Variants in TJP2 observed in about 807,000 individuals in gnomAD.
TJP2 encodes Friedreich ataxia region gene X104 (tight junction protein ZO-2).
TJP2 carries 91 observed loss-of-function variants against 133.1 expected under a neutral mutation model. The observed-to-expected ratio is 0.68, with a 90% CI of 0.58 to 0.81. The LOEUF (loss-of-function observed/expected upper bound fraction) is 0.81. TJP2 is among the 40% of genes least tolerant of loss of function. The pLI, the probability that TJP2 is intolerant of heterozygous loss-of-function variation, is 0.00. For synonymous variants in TJP2, 592 were observed against 583.4 expected, an observed-to-expected ratio of 1.01 and a Z score of -0.21; for missense variants, 1,541 against 1,565.6, an observed-to-expected ratio of 0.98 and a Z score of 0.26.
intron 1 of TJP2, among the ~76,000 whole-genome samples, chr9:69,142,929 CTAAA>C (rs1823071291): frequency 6.6e-6 from 1 of 152,112 alleles, no homozygotes; most frequent in Non-Finnish European, 1.5e-5. Flanking sequence ...ATGCATATTT[CTAAA>C]TAATTTCTAG....
intron 5 of TJP2, among the ~76,000 whole-genome samples, chr9:69,224,594 T>G (rs887348086): frequency 1.3e-5 from 2 of 152,098 alleles, no homozygotes; most frequent in Admixed American, 1.3e-4. Flanking sequence ...GGAGAATCAC[T>G]TGAACCTGGG....
At chr9:69,194,732 C>T (rs931601510) in intron 1 of TJP2, among the ~76,000 whole-genome samples, 3 of 152,056 alleles carry the variant, frequency 2.0e-5, no homozygotes, top group African/African-American at 7.2e-5. Context: ...GCTTCTCAAA[C>T]GTTAATGTGC....
At chr9:69,220,450 C>T (rs547267050) in intron 4 of TJP2, among the ~76,000 whole-genome samples, 3 of 152,320 alleles carry the variant, frequency 2.0e-5, no homozygotes, top group African/African-American at 7.2e-5. Flanking sequence ...GCTGTAGTCA[C>T]CCTACCGATC....
At chr9:69,236,558 A>T (rs1213651307) in intron 13 of TJP2, among the ~76,000 whole-genome samples, 3 of 152,096 alleles carry the variant, frequency 2.0e-5, no homozygotes, top group Non-Finnish European at 4.4e-5. Context: ...GAGACAAGGT[A>T]CCCTTGTCCG....
In TJP2 at chr9:69,249,473, A is replaced by C; in HGVS notation, c.2979A>C (p.Pro993=). Residue 993 remains proline (P), a synonymous_variant, in exon 20 of 23, where the codon CCA becomes CCC. Coordinates refer to ENST00000377245, the MANE Select transcript of TJP2 (RefSeq NM_004817.4). The part of the protein sequence containing the change: ...RDNSPPPAFK[P]EPPKAKTQNK... ...ATAGCCCGCCCCCAGCATTCAAGCC[A>C]GAGCCGCCCAAGGTACGTGGCTGGG... The C allele has an allele frequency of 1.2e-6, 2 of 1,606,088 alleles. No individual in the cohort carries two copies. The highest frequency in any genetic ancestry group is 1.7e-6 in the Non-Finnish European group (2 of 1,175,606).
At chr9:69,235,481 C>G (rs1377314750) in intron 12 of TJP2, among the ~76,000 whole-genome samples, 1 of 152,020 alleles carries the variant, frequency 6.6e-6, no homozygotes, top group Non-Finnish European at 1.5e-5. Flanking sequence ...CACCACCACG[C>G]CCGGCTAATT....
At chr9:69,219,742 T>C (rs1828668175) in intron 4 of TJP2, among the ~76,000 whole-genome samples, 2 of 152,304 alleles carry the variant, frequency 1.3e-5, no homozygotes, top group South Asian at 2.1e-4. Flanking sequence ...GTCTTTGATA[T>C]ATGTTTTCTT....
At chr9:69,220,469 G>A (rs536013663) in intron 4 of TJP2, among the ~76,000 whole-genome samples, 2 of 152,162 alleles carry the variant, frequency 1.3e-5, no homozygotes, top group African/African-American at 4.8e-5. Flanking sequence ...TCTAACATTA[G>A]GTCTTATTTC....
At chr9:69,175,733 C>G (rs1035483927) in intron 1 of TJP2, among the ~76,000 whole-genome samples, 4 of 152,138 alleles carry the variant, frequency 2.6e-5, no homozygotes, top group African/African-American at 9.7e-5. Context: ...CTGGAGCTTC[C>G]TCATTGTGGG....
At chr9:69,178,963 G>GT (rs1001930100) in intron 1 of TJP2, among the ~76,000 whole-genome samples, 70 of 83,964 alleles carry the variant, frequency 8.3e-4, no homozygotes, top group Non-Finnish European at 1.2e-3. Flanking sequence ...AACTGGATGA[G>GT]TTTTTTTTTC....
chr9:69,247,877 A>G, intron 18 of TJP2, 135 bp from the exon 19 acceptor site: 1 of 870,092 alleles, frequency 1.1e-6, no homozygotes, highest in Non-Finnish European at 1.7e-6. Context: ...TCTCAGGGAG[A>G]AAAATAAAAG....
At chr9:69,225,442 T>C in intron 6 of TJP2, 35 bp downstream of exon 6, 14 of 1,382,900 alleles carry the variant, frequency 1.0e-5, no homozygotes, top group African/African-American at 1.4e-5. Flanking sequence ...GTAGTGTGCA[T>C]ACTGCCGTTC....
chr9:69,174,051 G>A, upstream of TJP2: 1 of 1,064,208 alleles, frequency 9.4e-7, no homozygotes, highest in Non-Finnish European at 1.1e-6. Flanking sequence ...CAGGAGTCGC[G>A]CGTGACGCGG....
chr9:69,253,600 G>A (rs1007024958), intron 22 of TJP2: 2 of 167,854 alleles, frequency 1.2e-5, no homozygotes, highest in Non-Finnish European at 2.6e-5. Flanking sequence ...TTACAGGTGT[G>A]TGCCACCATA....
intron 2 of TJP2, among the ~76,000 whole-genome samples, chr9:69,161,420 G>C (rs1824065280): frequency 6.6e-6 from 1 of 152,082 alleles, no homozygotes; most frequent in South Asian, 2.1e-4. Context: ...GTAGAGATGG[G>C]GTTTCACCAT....
rs117014879 is a variant in TJP2 at position 69,184,847 on chromosome 9, C to T, written c.60+10415C>T. Reference sequence around the variant, plus strand: ...CTCACTGCAGCCTCGACTTCCCTGGCTCAAGTGATCCTCTCACCTCAGCCT... The same window carrying T: ...CTCACTGCAGCCTCGACTTCCCTGGTTCAAGTGATCCTCTCACCTCAGCCT... On this transcript the variant is annotated intron_variant, in intron 1 of 22. Coordinates refer to ENST00000377245, the MANE Select transcript of TJP2 (RefSeq NM_004817.4). 8.0e-4 allele frequency among the ~76,000 whole-genome samples: 105 copies of T among 131,596 alleles called. No homozygotes were observed. In the East Asian group the frequency reaches 0.019, roughly 24 times the overall value. 86.3% of individuals were successfully genotyped at this position (131,596 alleles called of 152,430 possible).
chr9:69,176,255 G>T lies in TJP2; in HGVS notation c.60+1823G>T, dbSNP rs553501419. ...GGGCCAGTAATGCGCCCACCTCACC[G>T]GGCTGAGTGAGGTCTGAATGAAATG... On this transcript the variant is annotated intron_variant, in intron 1 of 22. Coordinates refer to ENST00000377245, the MANE Select transcript of TJP2 (RefSeq NM_004817.4). Among the ~76,000 whole-genome samples, 7 of 152,290 alleles carry T rather than the reference G, an allele frequency of 4.6e-5. No homozygotes were observed. In the South Asian group the frequency reaches 1.4e-3, roughly 32 times the overall value.
intron 1 of TJP2, among the ~76,000 whole-genome samples, chr9:69,137,243 CT>C (rs1464461547): frequency 4.5e-5 from 2 of 44,064 alleles, no homozygotes; most frequent in South Asian, 1.9e-3. Context: ...CTTTCTTTCT[CT>C]CTCTCTTTCT....
chr9:69,159,507 A>G (rs962037226), intron 2 of TJP2, among the ~76,000 whole-genome samples: 6 of 152,232 alleles, frequency 3.9e-5, no homozygotes, highest in African/African-American at 1.2e-4. Flanking sequence ...AACTCTGTCA[A>G]TACGCTTTGA....
Sources: gnomAD v4.1 joint callset for allele counts (sites outside exome capture counted in the v4.1 genomes callset) on GRCh38, gnomAD v4.1.1 for gene constraint, MANE v1.5 for transcripts, NCBI Gene and HGNC (gene_info 2026-07-23, HGNC 2026-07-21) for gene names.